Variants in LPP observed in about 807,000 individuals in gnomAD.
LPP encodes the protein LIM domain containing preferred translocation partner in lipoma.
LPP carries 38 observed loss-of-function variants against 60.4 expected under a neutral mutation model. The ratio of observed to expected loss-of-function variants is 0.63; its 90% CI spans 0.49 to 0.83. LPP has a LOEUF of 0.83. Among genes scored for constraint, LPP ranks in the 40% least tolerant of loss-of-function variants. The probability of loss-of-function intolerance (pLI) is 0.00; values close to 1 mark genes in which losing one functional copy is unlikely to be tolerated. For missense variants in LPP, 902 were observed against 783.6 expected (o/e 1.15, Z -1.80); for synonymous variants, 328 against 290.8 (o/e 1.13, Z -1.30).
chr3:188,348,225 C>A (rs564611417), intron 3 of LPP, among the ~76,000 whole-genome samples: 8 of 152,156 alleles, frequency 5.3e-5, no homozygotes, highest in African/African-American at 1.9e-4. Flanking sequence ...TGGCTCACTG[C>A]AACCTCTGCC....
intron 9 of LPP, among the ~76,000 whole-genome samples, chr3:188,833,152 C>A (rs1757527820): frequency 6.6e-6 from 1 of 152,090 alleles, no homozygotes; most frequent in African/African-American, 2.4e-5. Flanking sequence ...AAATAATAGT[C>A]ATTTGTCAGT....
intron 7 of LPP, among the ~76,000 whole-genome samples, chr3:188,675,517 A>G (rs1857851221): frequency 6.6e-6 from 1 of 152,224 alleles, no homozygotes; most frequent in African/African-American, 2.4e-5. Flanking sequence ...ATGTTTGTAT[A>G]TGAAGGACAA....
chr3:188,490,286 A>C (rs1364779095), intron 5 of LPP, among the ~76,000 whole-genome samples: 1 of 152,188 alleles, frequency 6.6e-6, no homozygotes, highest in African/African-American at 2.4e-5. Flanking sequence ...AAAAGTAGAG[A>C]AATGTCTGAA....
intron 7 of LPP, among the ~76,000 whole-genome samples, chr3:188,686,252 T>C (rs1018001299): frequency 5.9e-5 from 9 of 152,156 alleles, no homozygotes; most frequent in African/African-American, 2.2e-4. Flanking sequence ...TCTACCAAAG[T>C]GCATGGCACT....
chr3:188,798,174 C>T (rs73058781), intron 9 of LPP, among the ~76,000 whole-genome samples: 9,819 of 152,252 alleles, frequency 0.064, 352 homozygotes, highest in African/African-American at 0.076. Context: ...TGAATACTTA[C>T]AGTAGTGCAT....
intron 6 of LPP, among the ~76,000 whole-genome samples, chr3:188,574,506 C>T (rs1365814455): frequency 1.3e-5 from 2 of 152,164 alleles, no homozygotes; most frequent in Admixed American, 1.3e-4. Context: ...TCGCACTTTA[C>T]CATCTTTTCT....
intron 2 of LPP, among the ~76,000 whole-genome samples, chr3:188,283,513 A>G (rs1400069928): frequency 1.3e-5 from 2 of 152,232 alleles, no homozygotes; most frequent in Non-Finnish European, 2.9e-5. Flanking sequence ...TAGAATTGCT[A>G]CTTGCGAAAC....
chr3:188,842,762 T>C (rs1760353642), intron 9 of LPP, among the ~76,000 whole-genome samples: 1 of 152,154 alleles, frequency 6.6e-6, no homozygotes, highest in African/African-American at 2.4e-5. Flanking sequence ...TCATTTTTCA[T>C]TGAGGCCTAA....
chr3:188,480,304 C>A (rs1804419292), intron 4 of LPP, among the ~76,000 whole-genome samples: 1 of 152,190 alleles, frequency 6.6e-6, no homozygotes, highest in Non-Finnish European at 1.5e-5. Context: ...TTTCTTGCTG[C>A]TACCTCTTGC....
chr3:188,491,815 C>G (rs1038539380), intron 5 of LPP, among the ~76,000 whole-genome samples: 3 of 152,144 alleles, frequency 2.0e-5, no homozygotes, highest in Non-Finnish European at 2.9e-5. Flanking sequence ...CTTGTAAAAA[C>G]CCTTTTGACA....
chr3:188,790,272 A>G (rs1332802577), intron 9 of LPP, among the ~76,000 whole-genome samples: 1 of 152,172 alleles, frequency 6.6e-6, no homozygotes, highest in Non-Finnish European at 1.5e-5. Context: ...ACAAAATAGG[A>G]CATAAAGGAT....
Position 188,609,134 on chromosome 3 carries a change from C to G in LPP, c.430-27C>G. ...GTTGGCAGTAATTTTTGCTTTCTTT[C>G]TTTCTTTTTTTTCCTATTCTTTTTA... On this transcript the variant is annotated intron_variant, in intron 6 of 11. Transcript: ENST00000617246. The surrounding 1 kb of genome is among the most constrained non-coding windows in gnomAD (Gnocchi z 6.9). 4 of 1,514,532 alleles carry G rather than the reference C, an allele frequency of 2.6e-6. No individual in the cohort carries two copies. The highest frequency in any genetic ancestry group is 3.6e-6 in the Non-Finnish European group (4 of 1,125,492). The allele number at this position is 1,514,532 out of a possible 1,614,324, so 93.8% of individuals were successfully genotyped here. A position where few individuals can be genotyped will look rare whatever the true frequency, so the allele number is the denominator to read the frequency against.
chr3:188,855,995 T>C (rs534246406), intron 9 of LPP, among the ~76,000 whole-genome samples: 115 of 152,284 alleles, frequency 7.6e-4, no homozygotes, highest in Admixed American at 2.0e-3. Flanking sequence ...GATAAGTCTT[T>C]TTCTCTATCA....
At chr3:188,770,165 A>ATTATTTT (rs1560181309) in intron 9 of LPP, among the ~76,000 whole-genome samples, 2 of 122,984 alleles carry the variant, frequency 1.6e-5, no homozygotes, top group African/African-American at 6.3e-5. Context: ...CATAGTTATA[A>ATTATTTT]TTCTTTTTTT....
intron 1 of LPP, among the ~76,000 whole-genome samples, chr3:188,177,325 CT>C (rs1295517775): frequency 4.6e-5 from 7 of 152,270 alleles, no homozygotes; most frequent in Admixed American, 2.0e-4. Context: ...GGATACCAGT[CT>C]TGGAGCATGG....
At chr3:188,513,599 A>C (rs9832029) in intron 5 of LPP, among the ~76,000 whole-genome samples, 21,210 of 151,976 alleles carry the variant, frequency 0.14, 1,807 homozygotes, top group Non-Finnish European at 0.18. Flanking sequence ...CCTTTATTTT[A>C]ATTGTAAGGG....
intron 1 of LPP, among the ~76,000 whole-genome samples, chr3:188,173,209 G>C (rs370108025): frequency 6.6e-6 from 1 of 152,096 alleles, no homozygotes; most frequent in African/African-American, 2.4e-5. Context: ...TTATAGAAAA[G>C]CCTATTACAG....
At chr3:188,736,812 A>G (rs1280997000) in intron 8 of LPP, among the ~76,000 whole-genome samples, 1 of 152,026 alleles carries the variant, frequency 6.6e-6, no homozygotes, top group Non-Finnish European at 1.5e-5. Context: ...ATATATTTGA[A>G]CAAAATCTAT....
In LPP at chr3:188,881,135, G is replaced by A. The variant is rs1201658319; in HGVS notation, c.*6656G>A. Reference sequence around the variant, plus strand: ...GGCCTGGGCGAAAGAGCGAGACTCCGTCTCAAAAAAAAAAAAAAAAAAATA... The same window carrying A: ...GGCCTGGGCGAAAGAGCGAGACTCCATCTCAAAAAAAAAAAAAAAAAAATA... On this transcript the variant is annotated 3_prime_UTR_variant, in exon 12 of 12. Transcript: ENST00000617246. 4.0e-4 allele frequency: 7 copies of A among 17,356 alleles called. No homozygotes were observed. Among genetic ancestry groups the A allele is most frequent in the Non-Finnish European group, 1.0e-3 (6 of 5,894 alleles). The allele number at this position is 17,356 out of a possible 1,614,324, so 1.1% of individuals were successfully genotyped here. A position where few individuals can be genotyped will look rare whatever the true frequency, so the allele number is the denominator to read the frequency against.
Sources: allele counts gnomAD v4.1 joint callset (sites outside exome capture counted in the v4.1 genomes callset), GRCh38; gene constraint gnomAD v4.1.1; non-coding constraint Gnocchi (gnomAD v3.1); transcripts MANE v1.5; gene names NCBI Gene and HGNC (gene_info 2026-07-23, HGNC 2026-07-21).